Variants in SORCS1 observed in about 807,000 individuals in gnomAD.
SORCS1 encodes sortilin related VPS10 domain containing receptor 1, also known as VPS10 domain-containing receptor SorCS1.
Under a neutral mutation model 146.1 loss-of-function variants are expected in SORCS1, and 60 were observed. The observed-to-expected ratio is 0.41, with a 90% confidence interval of 0.33 to 0.51. SORCS1 has a LOEUF of 0.51. Ranked by LOEUF, SORCS1 falls within the 20% of genes least tolerant of loss-of-function variation. The pLI, the probability that SORCS1 is intolerant of heterozygous loss-of-function variation, is 0.21. For missense variants in SORCS1, 1,352 were observed against 1,487.6 expected (o/e 0.91, Z 1.50); for synonymous variants, 637 against 584.0 (o/e 1.09, Z -1.31).
chr10:107,066,667 T>A (rs1455672816), intron 1 of SORCS1, among the ~76,000 whole-genome samples: 1 of 152,178 alleles, frequency 6.6e-6, no homozygotes, highest in African/African-American at 2.4e-5. Flanking sequence ...AGTAATTTAA[T>A]CATTTCTATT....
chr10:107,119,167 T>TA (rs2134522410), intron 1 of SORCS1, among the ~76,000 whole-genome samples: 1 of 152,264 alleles, frequency 6.6e-6, no homozygotes, highest in Non-Finnish European at 1.5e-5. Flanking sequence ...AAAGGCAAAA[T>TA]ATCAAAATTT....
chr10:106,943,139 A>G (rs1387478026), intron 2 of SORCS1, among the ~76,000 whole-genome samples: 3 of 152,144 alleles, frequency 2.0e-5, no homozygotes, highest in Admixed American at 6.5e-5. Flanking sequence ...CAGCTGAGCC[A>G]ATGTCTTCTG....
chr10:106,867,525 C>T lies in SORCS1; in HGVS notation c.627-37852G>A, dbSNP rs532075304. On this transcript the variant is annotated intron_variant, in intron 2 of 25. Transcript: ENST00000263054. ...GTCTCAATCTCCTGACCTCGTGATC[C>T]GCCCGCCTTGGCCTCCCAAAGTGCT... 9.9e-4 allele frequency among the ~76,000 whole-genome samples: 150 copies of T among 152,106 alleles called. 1 individual carries two copies. The highest frequency in any genetic ancestry group is 1.9e-3 in the Non-Finnish European group (130 of 67,978).
intron 10 of SORCS1, among the ~76,000 whole-genome samples, chr10:106,686,526 T>C (rs951299258): frequency 2.0e-5 from 3 of 152,182 alleles, no homozygotes; most frequent in African/African-American, 7.2e-5. Context: ...CAACTTGCTA[T>C]AGCTGAACTA....
At chr10:106,954,064 G>A in intron 2 of SORCS1, among the ~76,000 whole-genome samples, 1 of 152,174 alleles carries the variant, frequency 6.6e-6, no homozygotes, top group East Asian at 1.9e-4. Flanking sequence ...TGGGCCATCA[G>A]TAACAATGCC....
At chr10:107,151,577 A>G (rs1429475894) in intron 1 of SORCS1, among the ~76,000 whole-genome samples, 1 of 152,162 alleles carries the variant, frequency 6.6e-6, no homozygotes, top group Non-Finnish European at 1.5e-5. Flanking sequence ...TATGACGAGA[A>G]TAGCACAGGA....
chr10:106,662,208 A>G (rs1442761718), intron 17 of SORCS1, among the ~76,000 whole-genome samples: 1 of 152,240 alleles, frequency 6.6e-6, no homozygotes, highest in Non-Finnish European at 1.5e-5. Flanking sequence ...AACCGATGCC[A>G]GGATTTCCCC....
At chr10:106,633,677 A>G (rs924281004) in intron 18 of SORCS1, among the ~76,000 whole-genome samples, 1 of 152,208 alleles carries the variant, frequency 6.6e-6, no homozygotes, top group Non-Finnish European at 1.5e-5. Flanking sequence ...AAACAAACAA[A>G]CAAACAAACA....
Position 106,729,867 on chromosome 10 carries a change from A to T in SORCS1, c.1024+183T>A, listed in dbSNP as rs141673861. Among the ~76,000 whole-genome samples the T allele has an allele frequency of 5.3e-5, 8 of 152,290 alleles. No individual in the cohort carries two copies. The East Asian group carries it at 5.8e-4, about 11-fold the overall frequency. ...TATCCTTAGCTCTTCCGAACAGAAGATACCTGCACTTTACTAGCTTAGAGT... is the reference window on the plus strand; with the variant it reads ...TATCCTTAGCTCTTCCGAACAGAAGTTACCTGCACTTTACTAGCTTAGAGT... On this transcript the variant is annotated intron_variant, in intron 6 of 25. Transcript: ENST00000263054.
At chr10:106,852,964 A>G (rs1325277802) in intron 2 of SORCS1, among the ~76,000 whole-genome samples, 1 of 152,172 alleles carries the variant, frequency 6.6e-6, no homozygotes, top group Non-Finnish European at 1.5e-5. Context: ...GGTTTTTGAT[A>G]TTGGAATAAT....
At chr10:106,812,429 G>A (rs992556024) in intron 3 of SORCS1, among the ~76,000 whole-genome samples, 3 of 152,196 alleles carry the variant, frequency 2.0e-5, no homozygotes, top group Admixed American at 6.5e-5. Context: ...AGCCATTGCT[G>A]TTCTATTTCT....
At chr10:106,604,488 G>T (rs1846441800) in intron 23 of SORCS1, among the ~76,000 whole-genome samples, 1 of 152,130 alleles carries the variant, frequency 6.6e-6, no homozygotes, top group Admixed American at 6.6e-5. Context: ...TGCTCTGTTT[G>T]GCATTTGTAA....
upstream of SORCS1, among the ~76,000 whole-genome samples, chr10:107,166,955 G>A (rs1277609672): frequency 6.6e-6 from 1 of 152,214 alleles, no homozygotes; most frequent in Non-Finnish European, 1.5e-5. Context: ...GCTCGTACAA[G>A]TAGAGTAGAT....
intron 2 of SORCS1, among the ~76,000 whole-genome samples, chr10:106,915,114 G>A (rs923218882): frequency 6.6e-6 from 1 of 152,172 alleles, no homozygotes; most frequent in African/African-American, 2.4e-5. Context: ...ATGCTTAAGT[G>A]TCTCAAACTG....
intron 2 of SORCS1, among the ~76,000 whole-genome samples, chr10:106,951,537 A>C (rs1204585139): frequency 6.6e-6 from 1 of 150,924 alleles, no homozygotes; most frequent in Non-Finnish European, 1.5e-5. Context: ...AAAACGGAAC[A>C]CCTGGAGGAC....
At chr10:107,150,503 C>G (rs1330040586) in intron 1 of SORCS1, among the ~76,000 whole-genome samples, 5 of 152,230 alleles carry the variant, frequency 3.3e-5, no homozygotes, top group Non-Finnish European at 5.9e-5. Context: ...CAAAATCACT[C>G]AAAGCAAAAG....
At position 106,997,149 on chromosome 10, in the gene SORCS1, C is replaced by G. The variant is rs140160719; in HGVS notation, c.559-40569G>C. On this transcript the variant is annotated intron_variant, in intron 1 of 25. Coordinates refer to ENST00000263054, the MANE Select transcript of SORCS1 (RefSeq NM_052918.5). The stretch of plus-strand genomic sequence containing the variant: ...ATTAAATTATTCTCTGATATTCTTT[C>G]TCCTGGTAATTTTAACTCCCCTGAA... Among the ~76,000 whole-genome samples, 164 of 151,988 alleles carry G rather than the reference C, an allele frequency of 1.1e-3. 1 individual carries two copies. The highest frequency in any genetic ancestry group is 2.9e-3 in the African/African-American group (121 of 41,446).
Position 106,652,544 on chromosome 10 carries a change from C to A in SORCS1, c.2313G>T (p.Lys771Asn), listed in dbSNP as rs775601236. Residue 771 changes from lysine (K) to asparagine (N), a missense_variant, in exon 18 of 26, where the codon AAG becomes AAT. This residue lies in a region of SORCS1 where 648 missense variants were observed against 793.8 expected (regional missense o/e 0.82). Transcript: ENST00000263054. ...CATCAGTGCAATTATTGGAAACCAC[C>A]TTCCTGTACCTAAATGGAAAAAAGC... ...QSYLNSTGYR[K>N]VVSNNCTDGV... 22 of 1,612,352 alleles carry A rather than the reference C, an allele frequency of 1.4e-5. No individual in the cohort carries two copies. The Admixed American group carries it at 3.3e-4, about 24-fold the overall frequency.
At chr10:106,584,619 C>T (rs1845113515) in intron 24 of SORCS1, among the ~76,000 whole-genome samples, 1 of 152,226 alleles carries the variant, frequency 6.6e-6, no homozygotes, top group East Asian at 1.9e-4. Flanking sequence ...CACCTTCACC[C>T]CATAAAAGCC....
Sources: gnomAD v4.1 joint callset for allele counts (sites outside exome capture counted in the v4.1 genomes callset) on GRCh38, gnomAD v4.1.1 for gene constraint, gnomAD v4.1.1 regional missense constraint, MANE v1.5 for transcripts, NCBI Gene and HGNC (gene_info 2026-07-23, HGNC 2026-07-21) for gene names.